The following DENND1A variants were observed in gnomAD, a reference collection of about 807,000 sequenced individuals.
DENND1A encodes DENN domain-containing protein 1A.
A neutral mutation model predicts 113.7 loss-of-function variants in DENND1A; 51 were observed. The ratio of observed to expected loss-of-function variants is 0.45; its 90% CI spans 0.36 to 0.57. The LOEUF (loss-of-function observed/expected upper bound fraction) is 0.57. DENND1A is among the 20% of genes least tolerant of loss of function. The pLI is 0.00. For synonymous variants in DENND1A, 565 were observed against 570.8 expected (o/e 0.99, Z 0.14); for missense variants, 1,258 against 1,395.9 (o/e 0.90, Z 1.57).
intron 13 of DENND1A, among the ~76,000 whole-genome samples, chr9:123,536,775 G>T (rs2055815410): frequency 6.6e-6 from 1 of 152,090 alleles, no homozygotes; most frequent in South Asian, 2.1e-4. Context: ...GAGAGGACAG[G>T]AAATGGAGGT....
chr9:123,419,162 A>G (rs2045011939), intron 19 of DENND1A, among the ~76,000 whole-genome samples: 1 of 152,272 alleles, frequency 6.6e-6, no homozygotes, highest in African/African-American at 2.4e-5. Context: ...AACCAGGTTC[A>G]CTAAAGGCTG....
At chr9:123,491,389 T>A (rs1190989833) in intron 13 of DENND1A, among the ~76,000 whole-genome samples, 1 of 152,204 alleles carries the variant, frequency 6.6e-6, no homozygotes, top group Non-Finnish European at 1.5e-5. Flanking sequence ...AGACATTTCC[T>A]CCTTCAGGTA....
At chr9:123,567,811 A>G (rs2058137644) in intron 12 of DENND1A, among the ~76,000 whole-genome samples, 1 of 152,218 alleles carries the variant, frequency 6.6e-6, no homozygotes, top group African/African-American at 2.4e-5. Flanking sequence ...GAATGCCACC[A>G]AGATGCCTGC....
chr9:123,691,102 G>A (rs1444656716), intron 5 of DENND1A, among the ~76,000 whole-genome samples: 2 of 152,130 alleles, frequency 1.3e-5, no homozygotes, highest in African/African-American at 4.8e-5. Context: ...AATAAATGGG[G>A]GGGTCAGAAG....
intron 7 of DENND1A, among the ~76,000 whole-genome samples, chr9:123,669,465 C>A (rs1238949677): frequency 6.6e-6 from 1 of 152,170 alleles, no homozygotes. Flanking sequence ...AGAAACATTC[C>A]TAGAAACCAC....
chr9:123,581,382 C>T (rs1398407912), intron 12 of DENND1A, among the ~76,000 whole-genome samples: 2 of 152,098 alleles, frequency 1.3e-5, no homozygotes, highest in East Asian at 3.9e-4. Context: ...GCTTGTAATC[C>T]CAGCACTTAG....
chr9:123,698,275 T>C (rs2065652196), intron 5 of DENND1A, among the ~76,000 whole-genome samples: 1 of 152,142 alleles, frequency 6.6e-6, no homozygotes, highest in Non-Finnish European at 1.5e-5. Context: ...TCCAAGTAAT[T>C]AGAAAACCGG....
intron 5 of DENND1A, among the ~76,000 whole-genome samples, chr9:123,688,081 G>A (rs924880180): frequency 2.6e-5 from 4 of 152,180 alleles, no homozygotes; most frequent in Non-Finnish European, 5.9e-5. Context: ...TTTACCAAAT[G>A]CCAGGAGCAT....
chr9:123,531,670 A>T (rs1201996260), intron 13 of DENND1A, among the ~76,000 whole-genome samples: 1 of 152,036 alleles, frequency 6.6e-6, no homozygotes, highest in African/African-American at 2.4e-5. Context: ...AATTGCAGAC[A>T]TGATATCCTT....
intron 9 of DENND1A, among the ~76,000 whole-genome samples, chr9:123,638,351 A>G (rs973893803): frequency 1.3e-5 from 2 of 152,190 alleles, no homozygotes; most frequent in Admixed American, 1.3e-4. Context: ...GGGGACTGAT[A>G]ACAATGTATT....
At chr9:123,713,019 A>T (rs1434428207) in intron 5 of DENND1A, among the ~76,000 whole-genome samples, 1 of 152,222 alleles carries the variant, frequency 6.6e-6, no homozygotes, top group Admixed American at 6.5e-5. Context: ...TGGAAAAGGG[A>T]GTACTGAACT....
intron 5 of DENND1A, among the ~76,000 whole-genome samples, chr9:123,730,584 A>G (rs2068089032): frequency 6.6e-6 from 1 of 152,230 alleles, no homozygotes; most frequent in South Asian, 2.1e-4. Flanking sequence ...TAGAATGGCA[A>G]TCATTAAAAA....
chr9:123,502,038 T>C lies in DENND1A; in HGVS notation c.994-44141A>G, dbSNP rs75033532. Among the ~76,000 whole-genome samples, 931 of 152,280 alleles carry C rather than the reference T, an allele frequency of 6.1e-3. 12 individuals are homozygous for C. Among genetic ancestry groups the C allele is most frequent in the African/African-American group, 0.021 (876 of 41,556 alleles). ...CCCTCTAGATAACCCTAATACAGGC[T>C]CCATATCTCTATCTCTATCTCCTAT... is the stretch of plus-strand genomic sequence containing the variant. On this transcript the variant is annotated intron_variant, in intron 13 of 23. Transcript: ENST00000394215.
At chr9:123,610,395 T>C (rs1229607487) in intron 10 of DENND1A, among the ~76,000 whole-genome samples, 1 of 152,140 alleles carries the variant, frequency 6.6e-6, no homozygotes, top group Non-Finnish European at 1.5e-5. Context: ...CCTAAAGAGG[T>C]TAGTTAAATC....
intron 19 of DENND1A, among the ~76,000 whole-genome samples, chr9:123,415,165 G>A (rs1329691338): frequency 1.3e-5 from 2 of 152,136 alleles, no homozygotes; most frequent in African/African-American, 4.8e-5. Context: ...AGATGTCCTG[G>A]CGCACCCAGT....
At chr9:123,860,550 C>T (rs570685953) in intron 2 of DENND1A, among the ~76,000 whole-genome samples, 6 of 152,232 alleles carry the variant, frequency 3.9e-5, no homozygotes, top group African/African-American at 1.4e-4. Flanking sequence ...TAAATGAGTA[C>T]AACAGCACAA....
intron 13 of DENND1A, among the ~76,000 whole-genome samples, chr9:123,526,663 C>G (rs1223638813): frequency 6.6e-6 from 1 of 152,190 alleles, no homozygotes; most frequent in Non-Finnish European, 1.5e-5. Flanking sequence ...TCTGATTAAC[C>G]TCTCTTTGGT....
intron 18 of DENND1A, among the ~76,000 whole-genome samples, chr9:123,442,884 T>C (rs1000248617): frequency 1.3e-5 from 2 of 152,094 alleles, no homozygotes; most frequent in African/African-American, 4.8e-5. Flanking sequence ...ACTGGGAGAA[T>C]GGGTGAAATG....
intron 11 of DENND1A, among the ~76,000 whole-genome samples, chr9:123,604,260 C>A (rs4838071): frequency 0.44 from 66,205 of 151,604 alleles, 15,194 homozygotes; most frequent in African/African-American, 0.58. Context: ...TCTAATTCTT[C>A]TATTTATCTA....
Sources: gnomAD v4.1 joint callset for allele counts (sites outside exome capture counted in the v4.1 genomes callset) on GRCh38, gnomAD v4.1.1 for gene constraint, MANE v1.5 for transcripts, NCBI Gene and HGNC (gene_info 2026-07-23, HGNC 2026-07-21) for gene names.